Variants in RFWD3 observed in about 807,000 individuals in gnomAD.
RFWD3 encodes ring finger and WD repeat domain 3.
RFWD3 carries 65 observed loss-of-function variants against 87.7 expected under a neutral mutation model. That is an observed-to-expected ratio of 0.74 (90% CI 0.61 to 0.91). The LOEUF (loss-of-function observed/expected upper bound fraction) is 0.91. RFWD3 is among the 40% of genes least tolerant of loss of function. The probability of loss-of-function intolerance (pLI) is 0.00; values close to 1 mark genes in which losing one functional copy is unlikely to be tolerated. For missense variants in RFWD3, 1,078 were observed against 938.5 expected (o/e 1.15, Z -1.94); for synonymous variants, 433 against 352.8 (o/e 1.23, Z -2.55).
intron 1 of RFWD3, among the ~76,000 whole-genome samples, chr16:74,665,945 G>A (rs1341831894): frequency 6.6e-6 from 1 of 151,988 alleles, no homozygotes; most frequent in Non-Finnish European, 1.5e-5. Flanking sequence ...TGATCCGACT[G>A]CCTCGGCCTC....
In RFWD3 at chr16:74,637,867, T is replaced by G. The variant is rs376643768; in HGVS notation, c.1183A>C (p.Arg395=). Residue 395 remains arginine (R), a synonymous_variant, in exon 7 of 13, where the codon AGG becomes CGG. Coordinates refer to ENST00000361070, the MANE Select transcript of RFWD3 (RefSeq NM_018124.4). ...AAGGACAAACGTACCTGAACACGCC[T>G]TTGAAGCCTAGTGCACTTATCAGTG... ...VLTDKCTRLQ[R]RVQDLQKLTS... is the part of the protein sequence containing the mutation. 22 of 1,612,042 alleles carry G rather than the reference T, an allele frequency of 1.4e-5. No individual in the cohort carries two copies. The highest frequency in any genetic ancestry group is 1.7e-5 in the Non-Finnish European group (20 of 1,179,182).
intron 6 of RFWD3, among the ~76,000 whole-genome samples, chr16:74,641,871 G>A (rs1398894339): frequency 7.7e-6 from 1 of 129,628 alleles, no homozygotes; most frequent in Non-Finnish European, 1.6e-5. Flanking sequence ...AAGTTGTAGT[G>A]AGCCAAGATT....
chr16:74,648,711 A>G (rs7190631), intron 4 of RFWD3, among the ~76,000 whole-genome samples: 111,377 of 151,358 alleles, frequency 0.74, 41,430 homozygotes, highest in African/African-American at 0.84. Context: ...GGCAGAGGTT[A>G]TTGTGGTGAG....
At chr16:74,656,701 G>A (rs940496048) in intron 2 of RFWD3, among the ~76,000 whole-genome samples, 4 of 152,138 alleles carry the variant, frequency 2.6e-5, no homozygotes, top group Non-Finnish European at 4.4e-5. Flanking sequence ...CAGGCAATCT[G>A]CCTGCTTCAG....
At chr16:74,659,819 A>T (rs1961286810) in intron 2 of RFWD3, among the ~76,000 whole-genome samples, 1 of 152,204 alleles carries the variant, frequency 6.6e-6, no homozygotes, top group Non-Finnish European at 1.5e-5. Context: ...TTATCCCATC[A>T]GCTTCCTCAT....
At chr16:74,651,392 T>C (rs1350896419) in intron 3 of RFWD3, among the ~76,000 whole-genome samples, 1 of 152,042 alleles carries the variant, frequency 6.6e-6, no homozygotes, top group Non-Finnish European at 1.5e-5. Context: ...CTGAGGTAGG[T>C]GGATCTCTTG....
At chr16:74,651,077 C>T (rs1187664016) in intron 3 of RFWD3, among the ~76,000 whole-genome samples, 1 of 152,122 alleles carries the variant, frequency 6.6e-6, no homozygotes, top group Non-Finnish European at 1.5e-5. Context: ...TAAATATGAA[C>T]TTAAAGATTT....
At chr16:74,657,924 T>C (rs921203704) in intron 2 of RFWD3, among the ~76,000 whole-genome samples, 1 of 152,166 alleles carries the variant, frequency 6.6e-6, no homozygotes, top group East Asian at 1.9e-4. Context: ...AGTTAGGGTG[T>C]TGACACGTAT....
At chr16:74,652,810 CT>C (rs1251648673) in intron 2 of RFWD3, among the ~76,000 whole-genome samples, 6 of 152,144 alleles carry the variant, frequency 3.9e-5, no homozygotes, top group African/African-American at 1.4e-4. Flanking sequence ...CCAGTTTGAG[CT>C]GAGGAGTTTG....
At chr16:74,663,924 A>G (rs1961669149) in intron 1 of RFWD3, among the ~76,000 whole-genome samples, 1 of 152,224 alleles carries the variant, frequency 6.6e-6, no homozygotes, top group Admixed American at 6.5e-5. Context: ...AAAAGCCAGT[A>G]AAGCAGTTAG....
chr16:74,663,134 G>C (rs1418459269), intron 1 of RFWD3, among the ~76,000 whole-genome samples: 1 of 151,980 alleles, frequency 6.6e-6, no homozygotes, highest in East Asian at 1.9e-4. Context: ...TCGATCCCCT[G>C]ACCTGGTGAT....
chr16:74,625,153 T>C (rs560568255), intron 12 of RFWD3, among the ~76,000 whole-genome samples: 8 of 151,032 alleles, frequency 5.3e-5, no homozygotes, highest in South Asian at 2.1e-4. Flanking sequence ...TAAGCCAAGA[T>C]TGCACCTCTG....
intron 10 of RFWD3, among the ~76,000 whole-genome samples, chr16:74,630,099 A>ATT (rs573477294): frequency 6.7e-6 from 1 of 148,244 alleles, no homozygotes; most frequent in Non-Finnish European, 1.5e-5. Flanking sequence ...ACATGTGGCT[A>ATT]TTTTTTTTTT....
chr16:74,632,504 A>C lies in RFWD3; in HGVS notation c.1577+19T>G, dbSNP rs1248707618. Reference sequence around the variant, plus strand: ...ACACCAAAGAGCCCAGTCTCCACCTACTTCCCCAAATCACTCACCTGGTCA... The same window carrying C: ...ACACCAAAGAGCCCAGTCTCCACCTCCTTCCCCAAATCACTCACCTGGTCA... On this transcript the variant is annotated intron_variant, in intron 9 of 12. Transcript: ENST00000361070. 1.2e-6 allele frequency: 2 copies of C among 1,613,128 alleles called. No individual in the cohort carries two copies. Among genetic ancestry groups the C allele is most frequent in the African/African-American group, 2.7e-5 (2 of 74,896 alleles).
chr16:74,666,512 C>G (rs979430095), intron 1 of RFWD3: 63 of 152,336 alleles, frequency 4.1e-4, no homozygotes, highest in African/African-American at 1.5e-3. Flanking sequence ...GGCCCCGCAG[C>G]AGCGAACTCG....
chr16:74,645,745 CTTTTTTTTTTTT>C (rs71376293), intron 4 of RFWD3, among the ~76,000 whole-genome samples: 5 of 74,212 alleles, frequency 6.7e-5, no homozygotes, highest in Admixed American at 4.0e-4. Flanking sequence ...CAAATATTTT[CTTTTTTTTTTTT>C]TTTTTTTTTT....
intron 7 of RFWD3, among the ~76,000 whole-genome samples, chr16:74,637,144 A>AC: frequency 6.7e-6 from 1 of 150,098 alleles, no homozygotes. Context: ...AAAAAAAAAA[A>AC]ACAACTTAAA....
chr16:74,624,097 G>A, intron 12 of RFWD3, 26 bp from the exon 13 acceptor site: 5 of 1,610,098 alleles, frequency 3.1e-6, no homozygotes, highest in Non-Finnish European at 3.4e-6. Flanking sequence ...AGAGGGAAGG[G>A]TCAGGAGTCA....
rs369856889 is a variant in RFWD3, at chr16:74,651,994, G to C, written c.647C>G (p.Ser216Cys). 5.6e-6 allele frequency: 9 copies of C among 1,614,090 alleles called. No homozygotes were observed. The highest frequency in any genetic ancestry group is 7.6e-6 in the Non-Finnish European group (9 of 1,180,000). Reference protein sequence around the residue: ...EELQVSSSSDSDSDSSAEYGG... With the variant: ...EELQVSSSSDCDSDSSAEYGG... The stretch of plus-strand genomic sequence containing the variant: ...ATACTCTGCAGAGCTGTCACTGTCA[G>C]AATCAGAACTACTAGACACCTGCAA... Residue 216 changes from serine to cysteine, a missense_variant, in exon 3 of 13, where the codon TCT (serine) becomes TGT (cysteine). Physicochemically the swap from Ser to Cys is moderately radical, Grantham distance 112. Transcript: ENST00000361070.
Sources: allele counts gnomAD v4.1 joint callset (sites outside exome capture counted in the v4.1 genomes callset), GRCh38; gene constraint gnomAD v4.1.1; transcripts MANE v1.5; gene names NCBI Gene and HGNC (gene_info 2026-07-23, HGNC 2026-07-21).